SUN3: variants seen among roughly 807,000 people sequenced by gnomAD.
SUN3 encodes Sad1 and UNC84 domain containing 3.
Under a neutral mutation model 48.2 loss-of-function variants are expected in SUN3, and 36 were observed. That is an observed-to-expected ratio of 0.75 (90% CI 0.57 to 0.99). The LOEUF (loss-of-function observed/expected upper bound fraction) is 0.99, where lower values mean the gene tolerates loss of function less well. Among genes scored for constraint, SUN3 ranks in the 50% least tolerant of loss-of-function variants. The pLI, the probability that SUN3 is intolerant of heterozygous loss-of-function variation, is 0.00. For missense variants in SUN3, 419 were observed against 433.1 expected (o/e 0.97, Z 0.29); for synonymous variants, 148 against 147.9 (o/e 1.00, Z 0.00).
chr7:48,025,981 A>C, intron 1 of SUN3, 43 bp from the exon 2 acceptor site: 1 of 1,376,556 alleles, frequency 7.3e-7, no homozygotes, highest in Non-Finnish European at 1.0e-6. Context: ...ATTTAACAAC[A>C]TCATGCATTT....
chr7:48,001,116 CAT>C (rs1789354272), intron 6 of SUN3, among the ~76,000 whole-genome samples: 1 of 152,034 alleles, frequency 6.6e-6, no homozygotes, highest in African/African-American at 2.4e-5. Flanking sequence ...GTTCGGGGTA[CAT>C]GTGCAGGTTT....
intron 4 of SUN3, among the ~76,000 whole-genome samples, chr7:48,007,825 GTT>G (rs1275161930): frequency 9.4e-5 from 13 of 137,956 alleles, no homozygotes; most frequent in Admixed American, 7.3e-5. Context: ...TCCCAAGAAT[GTT>G]TTTTTTTTTT....
At chr7:48,024,690 C>T (rs975808407) in intron 2 of SUN3, among the ~76,000 whole-genome samples, 10 of 151,806 alleles carry the variant, frequency 6.6e-5, no homozygotes, top group East Asian at 1.9e-4. Flanking sequence ...CAGCTGCTTC[C>T]GCTCATGGTG....
At chr7:47,987,804 G>C (rs1489069601) in intron 9 of SUN3, among the ~76,000 whole-genome samples, 1 of 152,188 alleles carries the variant, frequency 6.6e-6, no homozygotes, top group Non-Finnish European at 1.5e-5. Context: ...AAAGTGATGG[G>C]ATTACAGGTG....
upstream of SUN3, among the ~76,000 whole-genome samples, chr7:48,029,682 C>T (rs1253174601): frequency 1.3e-5 from 2 of 152,122 alleles, no homozygotes; most frequent in Admixed American, 6.6e-5. Context: ...GCTCATTGCA[C>T]GTTGTTATAT....
At chr7:48,022,785 G>C (rs1020472225) in intron 2 of SUN3, among the ~76,000 whole-genome samples, 8 of 151,974 alleles carry the variant, frequency 5.3e-5, no homozygotes, top group Non-Finnish European at 7.4e-5. Flanking sequence ...GCAATGCCTT[G>C]TTATATAGAA....
chr7:48,021,775 T>G (rs780402369), intron 2 of SUN3, among the ~76,000 whole-genome samples: 1 of 152,130 alleles, frequency 6.6e-6, no homozygotes, highest in Non-Finnish European at 1.5e-5. Flanking sequence ...CAATAACAAA[T>G]GCTGGAGAGG....
intron 3 of SUN3, among the ~76,000 whole-genome samples, chr7:48,016,887 G>C (rs1433413899): frequency 6.6e-6 from 1 of 152,160 alleles, no homozygotes; most frequent in African/African-American, 2.4e-5. Flanking sequence ...TTCTACCATG[G>C]CAGAAGGGTG....
chr7:47,989,004 A>G, intron 8 of SUN3, 124 bp from the exon 9 acceptor site: 1 of 573,602 alleles, frequency 1.7e-6, no homozygotes, highest in South Asian at 2.3e-5. Flanking sequence ...TGATCATGCC[A>G]GTACTAACCT....
intron 3 of SUN3, among the ~76,000 whole-genome samples, chr7:48,010,612 G>A (rs562981518): frequency 1.3e-5 from 2 of 152,272 alleles, no homozygotes; most frequent in East Asian, 1.9e-4. Flanking sequence ...GAGGATTCCC[G>A]CAGCAGTCTC....
At position 48,028,882 on chromosome 7, in the gene SUN3, T is replaced by C; in HGVS notation, c.57A>G (p.Glu19=). 1 of 1,614,008 alleles carries C rather than the reference T, an allele frequency of 6.2e-7. No individual in the cohort carries two copies. Among genetic ancestry groups the C allele is most frequent in the Non-Finnish European group, 8.5e-7 (1 of 1,179,882 alleles). ...TGCCACTGGCGCTACCGCTGGCGTC[T>C]TCAGAGCAACGTCTAAAAAACATGG... is the stretch of plus-strand genomic sequence containing the variant. ...RAAMFFRRCS[E]DASGSASGNA... Residue 19 remains glutamate (E), a synonymous_variant, in exon 1 of 10, where the codon GAA becomes GAG. Transcript: ENST00000297325.
chr7:48,002,319 C>T lies in SUN3; in HGVS notation c.577+3650G>A, dbSNP rs1240500697. On this transcript the variant is annotated intron_variant, in intron 6 of 9. Coordinates refer to ENST00000297325, the MANE Select transcript of SUN3 (RefSeq NM_001030019.2). ...GGACCACAGGCGCCCGCACCACGCC[C>T]GGCTAATTTTTTGTATTTTTAGTAG... Among the ~76,000 whole-genome samples, 9 of 144,508 alleles carry T rather than the reference C, an allele frequency of 6.2e-5. 2 individuals are homozygous for T. The highest frequency in any genetic ancestry group is 2.3e-4 in the African/African-American group (8 of 34,122). 94.8% of individuals were successfully genotyped at this position (144,508 alleles called of 152,430 possible).
chr7:48,021,512 C>G (rs2128782569), intron 2 of SUN3, among the ~76,000 whole-genome samples: 1 of 142,220 alleles, frequency 7.0e-6, no homozygotes, highest in East Asian at 2.2e-4. Context: ...ACCCATCTGA[C>G]AAGGGATTAA....
intron 3 of SUN3, among the ~76,000 whole-genome samples, chr7:48,015,952 G>C (rs1789800023): frequency 6.6e-6 from 1 of 152,076 alleles, no homozygotes; most frequent in Non-Finnish European, 1.5e-5. Context: ...GCCTTTTTAG[G>C]ACTAACAAAT....
In SUN3 at chr7:48,006,025, A is replaced by C. The variant is rs115042949; in HGVS notation, c.521T>G (p.Leu174Arg). Reference protein sequence around the residue: ...EEVSNLVNYVLKKLREDQVEM... With the variant: ...EEVSNLVNYVRKKLREDQVEM... ...GACTTGGTCTTCTCTCAACTTTTTAAGTACATAATTGACCAAGTTTGACAC... is the reference window on the plus strand; with the variant it reads ...GACTTGGTCTTCTCTCAACTTTTTACGTACATAATTGACCAAGTTTGACAC... The change falls in exon 6 of 10, where the codon CTT becomes CGT. Residue 174 changes from leucine (L) to arginine (R), a missense_variant. Leu to Arg is a moderately radical substitution (Grantham distance 102). Coordinates refer to ENST00000297325, the MANE Select transcript of SUN3 (RefSeq NM_001030019.2). The C allele has an allele frequency of 3.7e-6, 6 of 1,612,904 alleles. No individual in the cohort carries two copies. The highest frequency in any genetic ancestry group is 2.5e-6 in the Non-Finnish European group (3 of 1,179,536).
At position 48,019,816 on chromosome 7, in the gene SUN3, G is replaced by A. The variant is rs532224601; in HGVS notation, c.185-2451C>T. Among the ~76,000 whole-genome samples the A allele has an allele frequency of 1.1e-4, 16 of 151,552 alleles. No individual in the cohort carries two copies. The South Asian group carries it at 1.7e-3, about 16-fold the overall frequency. ...AAAATCTCCCAGTAAAGAACAGCCCGGGACCCCATGGCTTCACTGCTGAAT... is the reference window on the plus strand; with the variant it reads ...AAAATCTCCCAGTAAAGAACAGCCCAGGACCCCATGGCTTCACTGCTGAAT... On this transcript the variant is annotated intron_variant, in intron 2 of 9. Transcript: ENST00000297325.
chr7:48,007,198 A>G lies in SUN3; in HGVS notation c.459T>C (p.His153=). ...GMDNNHNWNT[H]GDPVEDPDHT... is the part of the protein sequence containing the mutation. ...GGTCCGGGTCCTCCACAGGGTCTCC[A>G]TGGGTGTTCCAGTTGTGATTATTGT... Residue 153 remains histidine (H), a synonymous_variant, in exon 5 of 10, where the codon CAT becomes CAC. Coordinates refer to ENST00000297325, the MANE Select transcript of SUN3 (RefSeq NM_001030019.2). 1.2e-6 allele frequency: 2 copies of G among 1,607,692 alleles called. No individual in the cohort carries two copies. Among genetic ancestry groups the G allele is most frequent in the South Asian group, 1.1e-5 (1 of 90,926 alleles).
At chr7:48,028,782 A>G in intron 1 of SUN3, 35 bp downstream of exon 1, 1 of 1,606,322 alleles carries the variant, frequency 6.2e-7, no homozygotes, top group Non-Finnish European at 8.5e-7. Context: ...TAAAACCTAC[A>G]ATTTCAGGCA....
At chr7:47,996,721 T>C (rs1160627752) in intron 6 of SUN3, among the ~76,000 whole-genome samples, 9 of 152,090 alleles carry the variant, frequency 5.9e-5, no homozygotes, top group Non-Finnish European at 1.3e-4. Flanking sequence ...CTTTTACAAA[T>C]TGCATTTGCA....
Sources: gnomAD v4.1 joint callset for allele counts (sites outside exome capture counted in the v4.1 genomes callset) on GRCh38, gnomAD v4.1.1 for gene constraint, MANE v1.5 for transcripts, NCBI Gene and HGNC (gene_info 2026-07-23, HGNC 2026-07-21) for gene names.